The following UGT1A9 variants were observed in gnomAD, a reference collection of about 807,000 sequenced individuals.
The protein encoded by UGT1A9 is UDP glucuronosyltransferase family 1 member A9.
A neutral mutation model predicts 45.0 loss-of-function variants in UGT1A9; 35 were observed. The observed-to-expected ratio is 0.78, with a 90% confidence interval of 0.59 to 1.03. The LOEUF is 1.03. Among genes scored for constraint, UGT1A9 ranks in the 50% least tolerant of loss-of-function variants. The pLI is 0.00. For missense variants in UGT1A9, 687 were observed against 666.6 expected (o/e 1.03, Z -0.34); for synonymous variants, 278 against 250.6 (o/e 1.11, Z -1.03).
At chr2:233,694,982 G>A (rs2075253119) in intron 1 of UGT1A9, among the ~76,000 whole-genome samples, 1 of 152,086 alleles carries the variant, frequency 6.6e-6, no homozygotes, top group East Asian at 1.9e-4. Context: ...TCCTTATGTT[G>A]GGAACATTCC....
In UGT1A9 at chr2:233,769,615, T is replaced by C. The variant is rs1284239952; in HGVS notation, c.1295+1176T>C. 10 of 1,612,642 alleles carry C rather than the reference T, an allele frequency of 6.2e-6. No homozygotes were observed. The highest frequency in any genetic ancestry group is 4.5e-5 in the East Asian group (2 of 44,898). On this transcript the variant is annotated intron_variant, in intron 4 of 4. Coordinates refer to ENST00000354728, the MANE Select transcript of UGT1A9 (RefSeq NM_021027.3). This position sits in a 1 kb window ranked among gnomAD's most constrained non-coding sequence, Gnocchi z 4.4. The stretch of plus-strand genomic sequence containing the variant: ...GACGGAACACGGGGACACACCAGCT[T>C]GAGCAAGGGACAACAGGGGAGGACT...
intron 1 of UGT1A9, among the ~76,000 whole-genome samples, chr2:233,745,825 G>A (rs1307073963): frequency 2.0e-5 from 3 of 151,398 alleles, no homozygotes; most frequent in Non-Finnish European, 2.9e-5. Context: ...GCAAGGCAGA[G>A]GACTCTGAAT....
chr2:233,713,954 C>T (rs1224716390), intron 1 of UGT1A9: 55 of 1,607,802 alleles, frequency 3.4e-5, no homozygotes, highest in Non-Finnish European at 4.7e-5. Context: ...ACTTATCTTT[C>T]CAAAGATTTC....
intron 1 of UGT1A9, among the ~76,000 whole-genome samples, chr2:233,736,157 T>C (rs1193555745): frequency 6.6e-6 from 1 of 152,262 alleles, no homozygotes; most frequent in African/African-American, 2.4e-5. Flanking sequence ...CAGTCAAACG[T>C]AGATTTGGTC....
intron 2 of UGT1A9, 29 bp downstream of exon 2, chr2:233,767,194 A>C (rs746011204): frequency 1.9e-6 from 3 of 1,613,774 alleles, no homozygotes; most frequent in Non-Finnish European, 2.5e-6. Flanking sequence ...ATGGCCTCAT[A>C]TCTATTTTCA....
At chr2:233,757,844 A>G (rs1442911565) in intron 1 of UGT1A9, among the ~76,000 whole-genome samples, 1 of 151,968 alleles carries the variant, frequency 6.6e-6, no homozygotes. Context: ...CTACTAACTT[A>G]TGTCTTCAGC....
chr2:233,676,702 C>T (rs748281452), intron 1 of UGT1A9, among the ~76,000 whole-genome samples: 2 of 152,142 alleles, frequency 1.3e-5, no homozygotes, highest in African/African-American at 2.4e-5. Flanking sequence ...GAATGTTCCT[C>T]TAGAATGTCA....
At chr2:233,756,974 T>G (rs1036999646) in intron 1 of UGT1A9, among the ~76,000 whole-genome samples, 2 of 151,942 alleles carry the variant, frequency 1.3e-5, no homozygotes, top group African/African-American at 4.8e-5. Flanking sequence ...AAGCACGCAA[T>G]GAACAGTCAT....
At chr2:233,742,048 G>A (rs1013653818) in intron 1 of UGT1A9, 2 of 151,922 alleles carry the variant, frequency 1.3e-5, no homozygotes, top group Non-Finnish European at 2.9e-5. Context: ...ATAGCAATAG[G>A]ATAGTTCTGT....
At chr2:233,693,950 C>T (rs2075190769) in intron 1 of UGT1A9, 2 of 1,589,758 alleles carry the variant, frequency 1.3e-6, no homozygotes, top group Non-Finnish European at 1.7e-6. Context: ...AGCCGACTGT[C>T]CCTTGGAGGA....
chr2:233,709,268 G>A (rs188103798), intron 1 of UGT1A9, among the ~76,000 whole-genome samples: 212 of 152,234 alleles, frequency 1.4e-3, no homozygotes, highest in Middle Eastern at 0.01. Flanking sequence ...ACTTGTCCAC[G>A]CTGTGAATTA....
intron 1 of UGT1A9, chr2:233,691,671 G>A (rs1305895934): frequency 1.7e-5 from 17 of 975,742 alleles, no homozygotes; most frequent in Non-Finnish European, 2.1e-5. Context: ...CTGGGCCTCA[G>A]TTGAGAAACC....
At chr2:233,754,817 C>A in intron 1 of UGT1A9, 1 of 1,330,844 alleles carries the variant, frequency 7.5e-7, no homozygotes, top group East Asian at 4.7e-5. Flanking sequence ...AAAAACCACC[C>A]TCAAAAGCTG....
chr2:233,689,268 A>G (rs537771403), intron 1 of UGT1A9, among the ~76,000 whole-genome samples: 1 of 152,312 alleles, frequency 6.6e-6, no homozygotes, highest in African/African-American at 2.4e-5. Context: ...TATTGTTATC[A>G]TACTAAACTA....
At chr2:233,714,225 G>T (rs1207260034) in intron 1 of UGT1A9, among the ~76,000 whole-genome samples, 1 of 152,186 alleles carries the variant, frequency 6.6e-6, no homozygotes, top group Non-Finnish European at 1.5e-5. Flanking sequence ...TTGCTGGCAA[G>T]ATTTTCAGTA....
In UGT1A9 at chr2:233,729,602, C is replaced by T. The variant is rs746977069; in HGVS notation, c.856-37432C>T. 10 of 1,613,864 alleles carry T rather than the reference C, an allele frequency of 6.2e-6. No homozygotes were observed. Among genetic ancestry groups the T allele is most frequent in the African/African-American group, 5.3e-5 (4 of 74,870 alleles). On this transcript the variant is annotated intron_variant, in intron 1 of 4. Coordinates refer to ENST00000354728, the MANE Select transcript of UGT1A9 (RefSeq NM_021027.3). ...ACAGACCCCGTTAACCTCTGCGCGG[C>T]AGTGCTGGCTAAGTACCTGTCGATT...
chr2:233,745,697 C>A (rs1481234082), intron 1 of UGT1A9, among the ~76,000 whole-genome samples: 2 of 147,560 alleles, frequency 1.4e-5, no homozygotes, highest in African/African-American at 5.1e-5. Flanking sequence ...GTTTGGAGAA[C>A]AACAAGTGAT....
chr2:233,685,269 G>C (rs2074731208), intron 1 of UGT1A9, among the ~76,000 whole-genome samples: 1 of 152,250 alleles, frequency 6.6e-6, no homozygotes, highest in East Asian at 1.9e-4. Context: ...CTGACCTCAA[G>C]TGATCCGCCC....
At chr2:233,755,001 A>C (rs1350785885) in intron 1 of UGT1A9, 1 of 1,292,842 alleles carries the variant, frequency 7.7e-7, no homozygotes, top group African/African-American at 1.5e-5. Flanking sequence ...GAAGCTGAAG[A>C]CCTACTCGAA....
Sources: allele counts gnomAD v4.1 joint callset (sites outside exome capture counted in the v4.1 genomes callset), GRCh38; gene constraint gnomAD v4.1.1; non-coding constraint Gnocchi (gnomAD v3.1); transcripts MANE v1.5; gene names NCBI Gene and HGNC (gene_info 2026-07-23, HGNC 2026-07-21).